Variants in FGF14 observed in about 807,000 individuals in gnomAD.
The protein encoded by FGF14 is fibroblast growth factor 14.
In FGF14, 5 loss-of-function variants were observed where a neutral mutation model predicts 25.5. That is an observed-to-expected ratio of 0.20 (90% CI 0.10 to 0.41). The LOEUF is 0.41. Ranked by LOEUF, FGF14 falls within the 10% of genes least tolerant of loss-of-function variation. The pLI, the probability that FGF14 is intolerant of heterozygous loss-of-function variation, is 1.00. For missense variants in FGF14, 222 were observed against 320.1 expected (o/e 0.69, Z 2.34); for synonymous variants, 138 against 118.3 (o/e 1.17, Z -1.08).
chr13:102,376,305 A>G (rs1351403962), intron 1 of FGF14, among the ~76,000 whole-genome samples: 1 of 152,166 alleles, frequency 6.6e-6, no homozygotes, highest in Admixed American at 6.5e-5. Context: ...TTTGCTCCAC[A>G]TTCACCTCTG....
At chr13:101,748,854 C>T (rs578260860) in intron 3 of FGF14, among the ~76,000 whole-genome samples, 15 of 149,922 alleles carry the variant, frequency 1.0e-4, no homozygotes, top group East Asian at 8.0e-4. Context: ...TGAAGAGATA[C>T]TTGCACATCC....
intron 1 of FGF14, among the ~76,000 whole-genome samples, chr13:102,060,844 GC>G (rs1302828906): frequency 6.6e-6 from 1 of 152,002 alleles, no homozygotes; most frequent in Admixed American, 6.6e-5. Context: ...GACCACTCTG[GC>G]CCATCACGCT....
chr13:102,249,806 C>T (rs1359226778), intron 1 of FGF14, among the ~76,000 whole-genome samples: 6 of 152,098 alleles, frequency 3.9e-5, no homozygotes, highest in Non-Finnish European at 1.5e-5. Flanking sequence ...TTATTTGGTG[C>T]AATTCAAAGA....
At chr13:102,085,481 G>T (rs980342049) in intron 1 of FGF14, among the ~76,000 whole-genome samples, 2 of 152,028 alleles carry the variant, frequency 1.3e-5, no homozygotes, top group African/African-American at 4.8e-5. Context: ...TAAACAATGG[G>T]AGTGATGTCA....
intron 1 of FGF14, among the ~76,000 whole-genome samples, chr13:102,349,199 A>G (rs1429882904): frequency 6.6e-6 from 1 of 152,218 alleles, no homozygotes; most frequent in East Asian, 1.9e-4. Flanking sequence ...ACCATGATCC[A>G]GATCAGTTGC....
chr13:101,964,858 A>AT (rs1339436483), intron 1 of FGF14, among the ~76,000 whole-genome samples: 2 of 152,306 alleles, frequency 1.3e-5, no homozygotes, highest in Non-Finnish European at 2.9e-5. Context: ...GAAACTCCCA[A>AT]TAGCTATGGT....
At chr13:102,178,769 TGTATAAATACATCTCACAAAAG>T (rs759466688) in intron 1 of FGF14, among the ~76,000 whole-genome samples, 8 of 152,152 alleles carry the variant, frequency 5.3e-5, no homozygotes, top group Non-Finnish European at 1.0e-4. Flanking sequence ...GTGTGTGTTG[TGTATAAATACATCTCACAAAAG>T]TTGTGAGATA....
At chr13:101,838,697 C>T (rs1179617364) in intron 3 of FGF14, among the ~76,000 whole-genome samples, 4 of 151,978 alleles carry the variant, frequency 2.6e-5, no homozygotes, top group Non-Finnish European at 5.9e-5. Context: ...ATAAACATTG[C>T]TGTAATATGA....
intron 1 of FGF14, among the ~76,000 whole-genome samples, chr13:102,372,792 C>G (rs528547978): frequency 2.1e-3 from 312 of 152,188 alleles, no homozygotes; most frequent in Middle Eastern, 6.8e-3. Flanking sequence ...TGCTGGTATT[C>G]CAATGTATCA....
chr13:102,240,038 T>G (rs975931290), intron 1 of FGF14, among the ~76,000 whole-genome samples: 1 of 152,174 alleles, frequency 6.6e-6, no homozygotes, highest in Non-Finnish European at 1.5e-5. Flanking sequence ...TGTGTTATTT[T>G]ACAATGGAAA....
At chr13:102,398,457 A>C (rs1487350384) in intron 1 of FGF14, among the ~76,000 whole-genome samples, 1 of 152,216 alleles carries the variant, frequency 6.6e-6, no homozygotes, top group Admixed American at 6.5e-5. Context: ...ATAGGAAGGA[A>C]AATTAACCTA....
intron 1 of FGF14, among the ~76,000 whole-genome samples, chr13:102,173,025 G>A (rs1566780429): frequency 6.6e-6 from 1 of 152,116 alleles, no homozygotes; most frequent in Non-Finnish European, 1.5e-5. Flanking sequence ...GGGCATATCA[G>A]CTTATAAACT....
chr13:102,305,231 G>A (rs1374612431), intron 1 of FGF14, among the ~76,000 whole-genome samples: 1 of 152,002 alleles, frequency 6.6e-6, no homozygotes, highest in Admixed American at 6.6e-5. Flanking sequence ...TCTTCTGTCA[G>A]TAGAGCCCTA....
intron 1 of FGF14, among the ~76,000 whole-genome samples, chr13:102,396,139 C>G (rs1172554831): frequency 6.6e-6 from 1 of 152,152 alleles, no homozygotes; most frequent in Non-Finnish European, 1.5e-5. Context: ...CTAAGGAACA[C>G]CACACAGACT....
chr13:102,322,521 C>T (rs574151615), intron 1 of FGF14, among the ~76,000 whole-genome samples: 1 of 152,224 alleles, frequency 6.6e-6, no homozygotes, highest in South Asian at 2.1e-4. Flanking sequence ...GATTGGACTC[C>T]TAAGATGCAC....
chr13:101,852,721 T>C (rs2043920914), intron 3 of FGF14, among the ~76,000 whole-genome samples: 2 of 152,090 alleles, frequency 1.3e-5, no homozygotes, highest in Admixed American at 6.6e-5. Flanking sequence ...ATTCTTTCCC[T>C]ACCTGATCCA....
At chr13:101,951,149 T>G (rs1414967534) in intron 1 of FGF14, among the ~76,000 whole-genome samples, 1 of 152,170 alleles carries the variant, frequency 6.6e-6, no homozygotes, top group African/African-American at 2.4e-5. Flanking sequence ...ATCATATCAT[T>G]GAAGATTCTA....
intron 1 of FGF14, among the ~76,000 whole-genome samples, chr13:102,120,823 C>A (rs1302440904): frequency 1.3e-5 from 2 of 152,038 alleles, no homozygotes; most frequent in Admixed American, 1.3e-4. Flanking sequence ...CCTGCCTCAG[C>A]CTCCCAAGTA....
At chr13:102,176,179 A>G (rs1188287267) in intron 1 of FGF14, among the ~76,000 whole-genome samples, 4 of 152,146 alleles carry the variant, frequency 2.6e-5, no homozygotes, top group African/African-American at 7.2e-5. Context: ...AATGTTTACC[A>G]CTGGTCTATT....
Sources: gnomAD v4.1 joint callset for allele counts (sites outside exome capture counted in the v4.1 genomes callset) on GRCh38, gnomAD v4.1.1 for gene constraint, MANE v1.5 for transcripts, NCBI Gene and HGNC (gene_info 2026-07-23, HGNC 2026-07-21) for gene names.